SCN1A: variants seen among roughly 807,000 people sequenced by gnomAD.
SCN1A encodes the protein sodium channel protein type 1 subunit alpha.
A neutral mutation model predicts 193.7 loss-of-function variants in SCN1A; 13 were observed. The observed-to-expected ratio is 0.07, with a 90% CI of 0.04 to 0.11. The LOEUF is 0.11. SCN1A is among the 10% of genes least tolerant of loss of function. The pLI, the probability that SCN1A is intolerant of heterozygous loss-of-function variation, is 1.00. For missense variants in SCN1A, 1,432 were observed against 2,451.1 expected, an observed-to-expected ratio of 0.58 and a Z score of 8.78; for synonymous variants, 781 against 843.6, an observed-to-expected ratio of 0.93 and a Z score of 1.29.
chr2:166,052,237 T>C (rs1698655686), intron 8 of SCN1A, among the ~76,000 whole-genome samples: 1 of 152,046 alleles, frequency 6.6e-6, no homozygotes, highest in Non-Finnish European at 1.5e-5. Context: ...GTTCATGTTC[T>C]TCATGGAGCC....
Position 166,113,076 on chromosome 2 carries a change from C to A in SCN1A, c.-142+13848G>T, listed in dbSNP as rs140412067. The stretch of plus-strand genomic sequence containing the variant: ...AGAAGTTCCAGAGGCCTGGGTCTTG[C>A]AACTGATGTTTGAAGTGGGGCAGTT... On this transcript the variant is annotated intron_variant, in intron 2 of 28. Coordinates refer to ENST00000674923, the MANE Select transcript of SCN1A (RefSeq NM_001165963.4). 3.7e-4 allele frequency among the ~76,000 whole-genome samples: 56 copies of A among 152,260 alleles called. No homozygotes were observed. The East Asian group carries it at 9.5e-3, about 26-fold the overall frequency.
intron 11 of SCN1A, 144 bp from the exon 12 acceptor site, chr2:166,047,120 GTTTCTTTAACTT>G (rs1403141861): frequency 1.5e-5 from 14 of 905,586 alleles, no homozygotes; most frequent in African/African-American, 1.4e-4. Context: ...TTTTTTTATT[GTTTCTTTAACTT>G]CAGCTTCTTC....
At chr2:166,094,371 G>T (rs2106101664) in intron 2 of SCN1A, among the ~76,000 whole-genome samples, 1 of 152,246 alleles carries the variant, frequency 6.6e-6, no homozygotes, top group Non-Finnish European at 1.5e-5. Flanking sequence ...ATATCTGCCA[G>T]ACAGAACAAG....
upstream of SCN1A, among the ~76,000 whole-genome samples, chr2:166,129,326 T>C (rs946777914): frequency 2.6e-5 from 4 of 152,150 alleles, no homozygotes; most frequent in Admixed American, 6.5e-5. Context: ...TGTTCTAGAA[T>C]CACAGAAAAG....
intron 2 of SCN1A, among the ~76,000 whole-genome samples, chr2:166,115,548 G>GTT (rs1689762242): frequency 6.6e-6 from 1 of 152,074 alleles, no homozygotes; most frequent in African/African-American, 2.4e-5. Context: ...GTATATATGA[G>GTT]TTTAGAATAG....
Position 166,048,941 on chromosome 2 carries a change from A to G in SCN1A, c.973T>C (p.Tyr325His). ...GCATCTAAAAAACCCTCCAGGAAAT[A>G]ATGATATCCTGTTTGAAAAAAGAAA... ...KSYIQDSRYH[Y>H]FLEGFLDALL... Residue 325 changes from tyrosine to histidine, a missense_variant, in exon 10 of 29, where the codon TAT becomes CAT. Around this residue, in one of 18 missense-constraint regions of SCN1A, gnomAD observed 52 missense variants for 59.6 expected, o/e 0.87. Coordinates refer to ENST00000674923, the MANE Select transcript of SCN1A (RefSeq NM_001165963.4). 1 of 1,598,034 alleles carries G rather than the reference A, an allele frequency of 6.3e-7. No individual in the cohort carries two copies. Among genetic ancestry groups the G allele is most frequent in the Non-Finnish European group, 8.6e-7 (1 of 1,165,924 alleles).
At chr2:166,123,989 TA>T (rs888903975) in intron 2 of SCN1A, among the ~76,000 whole-genome samples, 1 of 152,156 alleles carries the variant, frequency 6.6e-6, no homozygotes, top group Non-Finnish European at 1.5e-5. Context: ...GATTTCTGCT[TA>T]AAAAAACTTT....
At position 166,000,566 on chromosome 2, in the gene SCN1A, G is replaced by C. The variant is rs1019851498; in HGVS notation, c.4285-790C>G. Among the ~76,000 whole-genome samples the C allele has an allele frequency of 9.2e-5, 14 of 151,818 alleles. No homozygotes were observed. The East Asian group carries it at 2.5e-3, about 28-fold the overall frequency. On this transcript the variant is annotated intron_variant, in intron 24 of 28. Coordinates refer to ENST00000674923, the MANE Select transcript of SCN1A (RefSeq NM_001165963.4). The stretch of plus-strand genomic sequence containing the variant: ...TTAGCTAGTGAGGGAGGTTAGCAAA[G>C]CCTTTAGCGTCTGTATCACAATATA...
chr2:166,075,724 T>A lies in SCN1A; in HGVS notation c.-50+1986A>T, dbSNP rs370247990. On this transcript the variant is annotated intron_variant, in intron 3 of 28. Transcript: ENST00000674923. ...TAGACTTGGCTTTGTACAGAATGTTTATTTATGATAGTTACTGCAAAACTA... is the reference window on the plus strand; with the variant it reads ...TAGACTTGGCTTTGTACAGAATGTTAATTTATGATAGTTACTGCAAAACTA... 1.8e-4 allele frequency among the ~76,000 whole-genome samples: 27 copies of A among 152,200 alleles called. 1 individual carries two copies. The South Asian group carries it at 5.6e-3, about 32-fold the overall frequency.
At chr2:166,129,478 C>T (rs1456303051), upstream of SCN1A, among the ~76,000 whole-genome samples, 1 of 152,084 alleles carries the variant, frequency 6.6e-6, no homozygotes, top group East Asian at 1.9e-4. Context: ...AAACTCTATC[C>T]AGTGCTTTCC....
rs747395931 is a variant in SCN1A, at chr2:166,043,743, G to T, written c.1969C>A (p.Pro657Thr). The change falls in exon 14 of 29, where the codon CCT (proline) becomes ACT (threonine). Residue 657 changes from proline (P) to threonine (T), a missense_variant. By Grantham distance (38) the Pro-to-Thr change is conservative. This residue lies in a region of SCN1A where 316 missense variants were observed against 362.1 expected (regional missense o/e 0.87). Transcript: ENST00000674923. ...CNGVVSLVGG[P>T]SVPTSPVGQL... ...CCAACAGGCGATGTAGGAACTGAAG[G>T]TCCACCAACCAAGGAAACCACACCA... 4 of 1,613,990 alleles carry T rather than the reference G, an allele frequency of 2.5e-6. No individual in the cohort carries two copies. The highest frequency in any genetic ancestry group is 3.4e-6 in the Non-Finnish European group (4 of 1,180,018).
intron 19 of SCN1A, among the ~76,000 whole-genome samples, chr2:166,026,495 C>G (rs995614979): frequency 1.3e-5 from 2 of 151,918 alleles, no homozygotes; most frequent in Non-Finnish European, 2.9e-5. Flanking sequence ...AATTCAATAA[C>G]GGCAAAACTA....
At chr2:166,046,701 C>T (rs1574232653) in intron 12 of SCN1A, 69 bp downstream of exon 12, 5 of 1,499,812 alleles carry the variant, frequency 3.3e-6, no homozygotes, top group Non-Finnish European at 4.6e-6. Context: ...TAGGTACTCA[C>T]TTTCTCTTCA....
chr2:166,088,319 G>A (rs1686373885), intron 2 of SCN1A, among the ~76,000 whole-genome samples: 1 of 151,536 alleles, frequency 6.6e-6, no homozygotes, highest in African/African-American at 2.4e-5. Context: ...TTCAATGCAT[G>A]TCCTGCATTC....
chr2:166,112,663 C>T (rs1689422051), intron 2 of SCN1A, among the ~76,000 whole-genome samples: 1 of 152,036 alleles, frequency 6.6e-6, no homozygotes. Context: ...GGCCTTAGTT[C>T]CATTTTCTGA....
intron 19 of SCN1A, among the ~76,000 whole-genome samples, chr2:166,033,546 TCTAA>T (rs1695921146): frequency 6.6e-6 from 1 of 152,126 alleles, no homozygotes; most frequent in East Asian, 1.9e-4. Flanking sequence ...ATTTCTCAAG[TCTAA>T]CTAAACTATG....
chr2:166,050,547 TC>T (rs527535876), intron 9 of SCN1A, among the ~76,000 whole-genome samples: 79 of 10,632 alleles, frequency 7.4e-3, no homozygotes, highest in Admixed American at 0.03. Context: ...CTACTGGCAT[TC>T]GTATCACCAG....
Position 166,043,694 on chromosome 2 carries a change from A to G in SCN1A, c.2018T>C (p.Ile673Thr), listed in dbSNP as rs1315723631. ...ATTGTCATCAGTAGCTGGCTTATCT[A>G]TTATCACCTCTGGCAGAAGCTGTCC... is the stretch of plus-strand genomic sequence containing the variant. ...PVGQLLPEVI[I>T]DKPATDDNGT... is the part of the protein sequence containing the mutation. The change falls in exon 14 of 29, where the codon ATA becomes ACA. Residue 673 changes from isoleucine (I) to threonine (T), a missense_variant. Ile to Thr is a moderately conservative substitution (Grantham distance 89). This residue lies in a region of SCN1A where 316 missense variants were observed against 362.1 expected (regional missense o/e 0.87). Transcript: ENST00000674923. 5 of 1,613,996 alleles carry G rather than the reference A, an allele frequency of 3.1e-6. No individual in the cohort carries two copies. In the African/African-American group the frequency reaches 6.7e-5, roughly 22 times the overall value.
Position 166,051,905 on chromosome 2 carries a change from C to G in SCN1A, c.778G>C (p.Val260Leu). 6.2e-7 allele frequency: 1 copy of G among 1,612,556 alleles called. No homozygotes were observed. The highest frequency in any genetic ancestry group is 8.5e-7 in the Non-Finnish European group (1 of 1,178,984). ...VMILTVFCLS[V>L]FALIGLQLFM... ...AGCTGCAGCCCAATTAGAGCAAATA[C>G]GCTCAGACAGAACACAGTCAGGATC... Residue 260 changes from valine to leucine, a missense_variant, in exon 9 of 29, where the codon GTA becomes CTA. By Grantham distance (32) the Val-to-Leu change is conservative (BLOSUM62 1). Transcript: ENST00000674923.
Sources: allele counts gnomAD v4.1 joint callset (sites outside exome capture counted in the v4.1 genomes callset), GRCh38; gene constraint gnomAD v4.1.1; regional missense constraint gnomAD v4.1.1; transcripts MANE v1.5; gene names NCBI Gene and HGNC (gene_info 2026-07-23, HGNC 2026-07-21).